Variants in CTNNA1 observed in about 807,000 individuals in gnomAD.
The protein encoded by CTNNA1 is catenin alpha 1.
A neutral mutation model predicts 98.4 loss-of-function variants in CTNNA1; 37 were observed. The ratio of observed to expected loss-of-function variants is 0.38; its 90% CI spans 0.29 to 0.49. CTNNA1 has a LOEUF of 0.49. CTNNA1 is among the 20% of genes least tolerant of loss of function. The pLI, the probability that CTNNA1 is intolerant of heterozygous loss-of-function variation, is 0.95. For missense variants in CTNNA1, 761 were observed against 1,147.2 expected (o/e 0.66, Z 4.86); for synonymous variants, 404 against 413.2 (o/e 0.98, Z 0.27).
chr5:138,856,150 T>C (rs1763704202), intron 7 of CTNNA1, among the ~76,000 whole-genome samples: 1 of 152,220 alleles, frequency 6.6e-6, no homozygotes, highest in Admixed American at 6.5e-5. Flanking sequence ...TAAAATTATA[T>C]TGATAGCCAT....
chr5:138,838,186 C>T (rs1761968851), intron 7 of CTNNA1, among the ~76,000 whole-genome samples: 1 of 152,234 alleles, frequency 6.6e-6, no homozygotes, highest in Non-Finnish European at 1.5e-5. Context: ...CAGGCGTGAG[C>T]CATGGCACCC....
At chr5:138,824,840 C>T in intron 6 of CTNNA1, 41 bp downstream of exon 6, 4 of 1,581,514 alleles carry the variant, frequency 2.5e-6, no homozygotes, top group Non-Finnish European at 2.6e-6. Context: ...TCTTGACCAT[C>T]CCCCAAAAGA....
At chr5:138,922,932 A>T (rs1012705778) in intron 11 of CTNNA1, among the ~76,000 whole-genome samples, 17 of 73,762 alleles carry the variant, frequency 2.3e-4, no homozygotes, top group Admixed American at 1.3e-3. Flanking sequence ...AAATGGATTA[A>T]AAAAAAAAAA....
intron 7 of CTNNA1, among the ~76,000 whole-genome samples, chr5:138,858,130 T>C (rs999447882): frequency 7.3e-5 from 1 of 13,698 alleles, no homozygotes; most frequent in East Asian, 0.025. Flanking sequence ...TAAAAAAAAT[T>C]TTTTTTTTTT....
At chr5:138,814,458 A>G (rs374659828) in intron 5 of CTNNA1, among the ~76,000 whole-genome samples, 1 of 152,132 alleles carries the variant, frequency 6.6e-6, no homozygotes, top group African/African-American at 2.4e-5. Flanking sequence ...TGCTGGAGCT[A>G]ATTGATCCTG....
chr5:138,757,023 A>AC (rs935274118), intron 1 of CTNNA1, among the ~76,000 whole-genome samples: 8 of 148,658 alleles, frequency 5.4e-5, no homozygotes, highest in African/African-American at 1.5e-4. Flanking sequence ...ACTTTATGAG[A>AC]CCCCGCCTCT....
intron 1 of CTNNA1, among the ~76,000 whole-genome samples, chr5:138,778,315 A>G (rs1336202283): frequency 6.6e-6 from 1 of 152,078 alleles, no homozygotes; most frequent in East Asian, 1.9e-4. Context: ...TTTCAAGACT[A>G]CAGCCAGTTA....
chr5:138,858,285 C>A (rs563219445), intron 7 of CTNNA1, among the ~76,000 whole-genome samples: 1 of 151,930 alleles, frequency 6.6e-6, no homozygotes, highest in Non-Finnish European at 1.5e-5. Context: ...CACCACCATA[C>A]CTGGTTAATT....
intron 3 of CTNNA1, among the ~76,000 whole-genome samples, chr5:138,791,232 A>G (rs1481626423): frequency 2.0e-5 from 3 of 152,134 alleles, no homozygotes; most frequent in African/African-American, 7.2e-5. Context: ...GATACTGCGA[A>G]TGCATTTTCC....
intron 3 of CTNNA1, among the ~76,000 whole-genome samples, chr5:138,805,670 C>T (rs946271427): frequency 6.6e-6 from 1 of 151,696 alleles, no homozygotes; most frequent in African/African-American, 2.4e-5. Context: ...AGGCTAGATG[C>T]TAACTTCTGG....
intron 9 of CTNNA1, 121 bp from the exon 10 acceptor site, chr5:138,904,228 G>A (rs1758673470): frequency 8.2e-7 from 1 of 1,218,042 alleles, no homozygotes; most frequent in African/African-American, 1.5e-5. Flanking sequence ...CTGTGAGAAG[G>A]GAGGCACCCT....
At chr5:138,771,835 T>C (rs778001963) in intron 1 of CTNNA1, among the ~76,000 whole-genome samples, 1 of 152,196 alleles carries the variant, frequency 6.6e-6, no homozygotes, top group Non-Finnish European at 1.5e-5. Context: ...AGTGTGACAG[T>C]TAACGTTGCT....
intron 13 of CTNNA1, 28 bp downstream of exon 13, chr5:138,925,435 A>ACAGC: frequency 6.2e-7 from 1 of 1,607,218 alleles, no homozygotes; most frequent in Non-Finnish European, 8.5e-7. Flanking sequence ...AGACGTCTTA[A>ACAGC]CAGCTTCTTT....
At chr5:138,926,639 C>CA (rs1764111894) in intron 13 of CTNNA1, among the ~76,000 whole-genome samples, 1 of 152,234 alleles carries the variant, frequency 6.6e-6, no homozygotes, top group African/African-American at 2.4e-5. Context: ...CCATCCCTTG[C>CA]ACGTCTTTGT....
At chr5:138,803,923 TAGA>T (rs1353982675) in intron 3 of CTNNA1, among the ~76,000 whole-genome samples, 1 of 152,190 alleles carries the variant, frequency 6.6e-6, no homozygotes, top group Non-Finnish European at 1.5e-5. Context: ...GCCTGGCTGA[TAGA>T]AGGTGATCAG....
intron 10 of CTNNA1, among the ~76,000 whole-genome samples, chr5:138,905,085 C>G (rs1412808210): frequency 7.4e-6 from 1 of 135,018 alleles, no homozygotes. Context: ...CAGAGCAAGA[C>G]TCCGTCTCAA....
At chr5:138,811,131 C>T (rs2149731689) in intron 4 of CTNNA1, among the ~76,000 whole-genome samples, 1 of 151,888 alleles carries the variant, frequency 6.6e-6, no homozygotes, top group South Asian at 2.1e-4. Flanking sequence ...GGGGCGGCTG[C>T]CGGGCGGAGG....
chr5:138,927,519 A>T lies in CTNNA1; in HGVS notation c.1900-1727A>T, dbSNP rs868590206. 7.5e-4 allele frequency among the ~76,000 whole-genome samples: 97 copies of T among 129,106 alleles called. 1 individual carries two copies. Among genetic ancestry groups the T allele is most frequent in the African/African-American group, 2.7e-3 (91 of 33,396 alleles). The allele number at this position is 129,106 out of a possible 152,430, so 84.7% of individuals were successfully genotyped here. A position where few individuals can be genotyped will look rare whatever the true frequency, so the allele number is the denominator to read the frequency against. On this transcript the variant is annotated intron_variant, in intron 13 of 17. Transcript: ENST00000302763. Reference sequence around the variant, plus strand: ...GAGCACCTTCTCGTGAGACTTTTCCAAACACCCATATAGAATTAAAATCTC... The same window carrying T: ...GAGCACCTTCTCGTGAGACTTTTCCTAACACCCATATAGAATTAAAATCTC...
intron 7 of CTNNA1, among the ~76,000 whole-genome samples, chr5:138,841,636 C>T (rs1762280164): frequency 6.6e-6 from 1 of 150,392 alleles, no homozygotes; most frequent in African/African-American, 2.4e-5. Context: ...TCTCTCAAAA[C>T]TGCCATTAGG....
Sources: gnomAD v4.1 joint callset for allele counts (sites outside exome capture counted in the v4.1 genomes callset) on GRCh38, gnomAD v4.1.1 for gene constraint, MANE v1.5 for transcripts, NCBI Gene and HGNC (gene_info 2026-07-23, HGNC 2026-07-21) for gene names.